The following TMEM74 variants were observed in gnomAD, a reference collection of about 807,000 sequenced individuals.
The protein encoded by TMEM74 is transmembrane protein 74.
Under a neutral mutation model 18.1 loss-of-function variants are expected in TMEM74, and 13 were observed. That is an observed-to-expected ratio of 0.72 (90% CI 0.47 to 1.14). TMEM74 has a LOEUF of 1.14. Ranked by LOEUF, TMEM74 falls within the 50% of genes most tolerant of loss-of-function variation. The probability of loss-of-function intolerance (pLI) is 0.00; values close to 1 mark genes in which losing one functional copy is unlikely to be tolerated. For synonymous variants in TMEM74, 159 were observed against 146.6 expected (o/e 1.08, Z -0.61); for missense variants, 372 against 375.9 (o/e 0.99, Z 0.09).
chr8:108,655,079 G>A (rs1410796927), intron 2 of TMEM74, among the ~76,000 whole-genome samples: 1 of 152,016 alleles, frequency 6.6e-6, no homozygotes, highest in Non-Finnish European at 1.5e-5. Context: ...GTAAAATCTT[G>A]TACTTTCTTT....
intron 2 of TMEM74, among the ~76,000 whole-genome samples, chr8:108,610,168 T>C (rs1812320799): frequency 6.6e-6 from 1 of 152,178 alleles, no homozygotes; most frequent in African/African-American, 2.4e-5. Context: ...ATGAAGATTA[T>C]CGAAGGAGCA....
chr8:108,684,015 T>G (rs556969136), intron 1 of TMEM74, among the ~76,000 whole-genome samples: 115 of 152,234 alleles, frequency 7.6e-4, no homozygotes, highest in African/African-American at 2.7e-3. Flanking sequence ...TGTTGGACAC[T>G]TAGATTGATT....
At chr8:108,647,576 A>T (rs1197747626) in intron 2 of TMEM74, among the ~76,000 whole-genome samples, 4 of 152,136 alleles carry the variant, frequency 2.6e-5, no homozygotes, top group South Asian at 2.1e-4. Flanking sequence ...ATCTATTTTT[A>T]AAAAAACATT....
chr8:108,624,685 A>G (rs1812477682), intron 2 of TMEM74, among the ~76,000 whole-genome samples: 1 of 152,048 alleles, frequency 6.6e-6, no homozygotes, highest in Non-Finnish European at 1.5e-5. Flanking sequence ...TGAACATGTA[A>G]TTAATAGGCA....
At chr8:108,660,653 C>T (rs1230324486) in intron 1 of TMEM74, among the ~76,000 whole-genome samples, 2 of 152,134 alleles carry the variant, frequency 1.3e-5, no homozygotes, top group East Asian at 3.9e-4. Context: ...GATAGTTCTG[C>T]CTTACAGAGA....
At chr8:108,733,585 C>G (rs1813717187) in intron 1 of TMEM74, among the ~76,000 whole-genome samples, 2 of 152,156 alleles carry the variant, frequency 1.3e-5, no homozygotes, top group African/African-American at 2.4e-5. Context: ...TAAGTACACT[C>G]ATTTGTCAAA....
Position 108,688,784 on chromosome 8 carries a change from C to T in TMEM74, n.120-33347G>A, listed in dbSNP as rs577907482. ...CTTGCCACCAGTCCAGTATTACCTT[C>T]ATTTGTGGTTAGCTTCCCCTAACTG... On this transcript the variant is annotated intron_variant and non_coding_transcript_variant, in intron 1 of 3. Transcript: ENST00000518838. 9.8e-5 allele frequency among the ~76,000 whole-genome samples: 15 copies of T among 152,320 alleles called. No homozygotes were observed. In the South Asian group the frequency reaches 3.1e-3, roughly 32 times the overall value.
At chr8:108,700,937 T>C (rs1308742777) in intron 1 of TMEM74, among the ~76,000 whole-genome samples, 2 of 152,128 alleles carry the variant, frequency 1.3e-5, no homozygotes, top group Admixed American at 6.6e-5. Context: ...ATTATTATTC[T>C]CATTTTGGAG....
At chr8:108,620,832 A>G (rs1384715941) in intron 2 of TMEM74, among the ~76,000 whole-genome samples, 3 of 152,096 alleles carry the variant, frequency 2.0e-5, no homozygotes, top group Non-Finnish European at 4.4e-5. Flanking sequence ...GTTCTTAGTA[A>G]GAGTAAAGAG....
At position 108,780,122 on chromosome 8, in the gene TMEM74, A is replaced by G. The variant is rs772674100; in HGVS notation, c.*4059T>C. Among the ~76,000 whole-genome samples, 3 of 152,180 alleles carry G rather than the reference A, an allele frequency of 2.0e-5. No individual in the cohort carries two copies. The highest frequency in any genetic ancestry group is 4.4e-5 in the Non-Finnish European group (3 of 68,016). ...GGAAAGGTTAAACCCATTACAGAGA[A>G]CAGTAAGTATTGATAGTATTACATC... is the stretch of plus-strand genomic sequence containing the variant. On this transcript the variant is annotated 3_prime_UTR_variant, in exon 2 of 2. Coordinates refer to ENST00000297459, the MANE Select transcript of TMEM74 (RefSeq NM_153015.3).
intron 1 of TMEM74, among the ~76,000 whole-genome samples, chr8:108,668,205 A>T (rs1321221581): frequency 1.3e-5 from 2 of 152,192 alleles, no homozygotes; most frequent in Non-Finnish European, 2.9e-5. Context: ...TAAATTTAAT[A>T]AGTGATTTTT....
chr8:108,657,451 C>A (rs935990673), intron 1 of TMEM74, among the ~76,000 whole-genome samples: 1 of 151,982 alleles, frequency 6.6e-6, no homozygotes, highest in Non-Finnish European at 1.5e-5. Context: ...TTCCTGGATG[C>A]TGGATCTTGG....
At chr8:108,663,162 AG>A (rs1430722118) in intron 1 of TMEM74, among the ~76,000 whole-genome samples, 27 of 152,272 alleles carry the variant, frequency 1.8e-4, no homozygotes, top group Admixed American at 4.6e-4. Flanking sequence ...GACAGCCTGC[AG>A]AGGAAGAGAA....
intron 1 of TMEM74, among the ~76,000 whole-genome samples, chr8:108,698,791 A>G (rs1197176187): frequency 6.6e-6 from 1 of 152,060 alleles, no homozygotes; most frequent in Non-Finnish European, 1.5e-5. Flanking sequence ...CTATGGTAAT[A>G]TTACCACTTT....
At chr8:108,666,497 A>G (rs1335560807) in intron 1 of TMEM74, among the ~76,000 whole-genome samples, 4 of 152,168 alleles carry the variant, frequency 2.6e-5, no homozygotes, top group African/African-American at 9.6e-5. Flanking sequence ...GCAGCAGTCA[A>G]ATAAAATGCT....
chr8:108,625,082 G>A (rs1202824169), intron 2 of TMEM74, among the ~76,000 whole-genome samples: 1 of 151,906 alleles, frequency 6.6e-6, no homozygotes, highest in African/African-American at 2.4e-5. Flanking sequence ...AGAGGTGGAG[G>A]GTGAGAGGTG....
At chr8:108,659,126 A>G (rs1022841850) in intron 1 of TMEM74, among the ~76,000 whole-genome samples, 2 of 152,178 alleles carry the variant, frequency 1.3e-5, no homozygotes, top group African/African-American at 4.8e-5. Context: ...GTAATTTAAC[A>G]TTTAATATGG....
rs1331594936 is a variant in TMEM74 at position 108,780,551 on chromosome 8, A to G, written c.*3630T>C. Among the ~76,000 whole-genome samples, 2 of 152,234 alleles carry G rather than the reference A, an allele frequency of 1.3e-5. 1 individual carries two copies. The highest frequency in any genetic ancestry group is 4.8e-5 in the African/African-American group (2 of 41,474). On this transcript the variant is annotated 3_prime_UTR_variant, in exon 2 of 2. Coordinates refer to ENST00000297459, the MANE Select transcript of TMEM74 (RefSeq NM_153015.3). ...AAGGCACACATAAGTTTGGCAGCGC[A>G]GTCTCTTTTCAGAAATTGTACCTTG...
At chr8:108,716,342 A>C (rs979302504) in intron 1 of TMEM74, among the ~76,000 whole-genome samples, 3 of 152,096 alleles carry the variant, frequency 2.0e-5, no homozygotes, top group Non-Finnish European at 4.4e-5. Context: ...GTACATTAAA[A>C]CTATTAAATA....
Sources: allele counts gnomAD v4.1 joint callset (sites outside exome capture counted in the v4.1 genomes callset), GRCh38; gene constraint gnomAD v4.1.1; transcripts MANE v1.5; gene names NCBI Gene and HGNC (gene_info 2026-07-23, HGNC 2026-07-21).